The following ASTN2 variants were observed in gnomAD, a reference collection of about 807,000 sequenced individuals.
ASTN2 encodes the protein astrotactin-2.
Under a neutral mutation model 139.8 loss-of-function variants are expected in ASTN2, and 54 were observed. The observed-to-expected ratio is 0.39, with a 90% confidence interval of 0.31 to 0.48. The LOEUF is 0.48. ASTN2 is among the 20% of genes least tolerant of loss of function. The pLI is 0.95. For synonymous variants in ASTN2, 756 were observed against 719.5 expected (o/e 1.05, Z -0.81); for missense variants, 1,565 against 1,725.1 (o/e 0.91, Z 1.64).
At chr9:116,541,500 T>C (rs1851876576) in intron 19 of ASTN2, among the ~76,000 whole-genome samples, 1 of 152,190 alleles carries the variant, frequency 6.6e-6, no homozygotes, top group Non-Finnish European at 1.5e-5. Context: ...GCTTTAATCA[T>C]AGTTAATTGG....
intron 1 of ASTN2, among the ~76,000 whole-genome samples, chr9:117,330,005 C>T (rs1258234033): frequency 6.6e-6 from 1 of 152,108 alleles, no homozygotes; most frequent in Non-Finnish European, 1.5e-5. Flanking sequence ...AGTAGTTTAG[C>T]CAAGGTCACC....
At chr9:116,720,064 A>T (rs950580879) in intron 16 of ASTN2, among the ~76,000 whole-genome samples, 16 of 152,136 alleles carry the variant, frequency 1.1e-4, no homozygotes, top group Non-Finnish European at 1.0e-4. Flanking sequence ...AGCTCTCATC[A>T]GCCCCTTGGC....
intron 3 of ASTN2, among the ~76,000 whole-genome samples, chr9:117,182,512 C>A (rs1309975203): frequency 6.6e-6 from 1 of 152,138 alleles, no homozygotes; most frequent in Non-Finnish European, 1.5e-5. Context: ...CCAGTTCCAC[C>A]CTATAGCTCT....
chr9:116,975,344 A>G lies in ASTN2; in HGVS notation c.1753T>C (p.Ser585Pro), dbSNP rs983782190. The G allele has an allele frequency of 1.2e-6, 2 of 1,604,732 alleles. No homozygotes were observed. Among genetic ancestry groups the G allele is most frequent in the African/African-American group, 2.7e-5 (2 of 74,404 alleles). ...GEQAPEKILRSTFSLGQGLWL... is the reference protein window; with the variant it reads ...GEQAPEKILRPTFSLGQGLWL... The stretch of plus-strand genomic sequence containing the variant: ...AGGCCTTGGCCCAAGCTGAAAGTAG[A>G]CCTGCAATGTAAGAGTTTCCATTGG... Residue 585 changes from serine to proline, a missense_variant and splice_region_variant, in exon 10 of 23, where the codon TCT (serine) becomes CCT (proline). By Grantham distance (74) the Ser-to-Pro change is moderately conservative. This residue lies in a region of ASTN2 where 503 missense variants were observed against 591.7 expected (regional missense o/e 0.85). Coordinates refer to ENST00000313400, the MANE Select transcript of ASTN2 (RefSeq NM_001365068.1).
intron 11 of ASTN2, among the ~76,000 whole-genome samples, chr9:116,833,976 C>CAA (rs34675550): frequency 0.22 from 33,811 of 152,090 alleles, 4,375 homozygotes; most frequent in East Asian, 0.5. Flanking sequence ...GGAATTTCAC[C>CAA]AAAAAACGAA....
At chr9:116,770,683 T>A (rs1169867758) in intron 13 of ASTN2, among the ~76,000 whole-genome samples, 1 of 152,200 alleles carries the variant, frequency 6.6e-6, no homozygotes, top group Admixed American at 6.5e-5. Flanking sequence ...TTCTTTCCAG[T>A]ACTCTCCTGT....
chr9:116,535,788 A>AT (rs1482278471), intron 19 of ASTN2, among the ~76,000 whole-genome samples: 1 of 151,780 alleles, frequency 6.6e-6, no homozygotes, highest in Non-Finnish European at 1.5e-5. Flanking sequence ...TGCCCTTAAC[A>AT]TTTTTTCCTT....
At chr9:117,374,369 TA>T (rs57428022) in intron 1 of ASTN2, among the ~76,000 whole-genome samples, 30,779 of 85,230 alleles carry the variant, frequency 0.36, 4,381 homozygotes, top group Admixed American at 0.44. Flanking sequence ...AGGGCAGGGT[TA>T]AAAAAAAAAA....
intron 16 of ASTN2, among the ~76,000 whole-genome samples, chr9:116,684,186 A>G (rs1286110870): frequency 6.6e-6 from 1 of 152,256 alleles, no homozygotes; most frequent in Non-Finnish European, 1.5e-5. Flanking sequence ...GAGATTCCTC[A>G]TGGAACAGAG....
intron 1 of ASTN2, among the ~76,000 whole-genome samples, chr9:117,362,774 G>T (rs990056405): frequency 6.6e-6 from 1 of 152,052 alleles, no homozygotes; most frequent in African/African-American, 2.4e-5. Flanking sequence ...CCCTCCTTTG[G>T]TGTTGGCTGA....
chr9:117,127,835 C>T (rs751238809), intron 4 of ASTN2, among the ~76,000 whole-genome samples: 11 of 151,976 alleles, frequency 7.2e-5, no homozygotes, highest in Middle Eastern at 3.4e-3. Context: ...TGCCCGCCAC[C>T]ACGCCCACCT....
At chr9:116,978,495 G>GCGCGCGCACACACACA (rs762311934) in intron 7 of ASTN2, among the ~76,000 whole-genome samples, 7 of 127,644 alleles carry the variant, frequency 5.5e-5, no homozygotes, top group Non-Finnish European at 1.2e-4. Flanking sequence ...TCTCTCTCAC[G>GCGCGCGCACACACACA]CACACACACA....
At chr9:116,701,766 G>A (rs940914387) in intron 16 of ASTN2, among the ~76,000 whole-genome samples, 1 of 151,874 alleles carries the variant, frequency 6.6e-6, no homozygotes, top group African/African-American at 2.4e-5. Flanking sequence ...CCCCTTTGAT[G>A]TGAATATTTT....
intron 3 of ASTN2, among the ~76,000 whole-genome samples, chr9:117,164,006 A>G (rs1564456833): frequency 6.6e-6 from 1 of 152,114 alleles, no homozygotes; most frequent in South Asian, 2.1e-4. Flanking sequence ...AAATGGATTA[A>G]TCATCATTTT....
intron 10 of ASTN2, among the ~76,000 whole-genome samples, chr9:116,892,423 C>T (rs1588389584): frequency 6.6e-6 from 1 of 151,738 alleles, no homozygotes; most frequent in East Asian, 1.9e-4. Context: ...CCAGCATTTA[C>T]AGTACTGTGG....
At chr9:116,539,612 GA>G (rs905557840) in intron 19 of ASTN2, among the ~76,000 whole-genome samples, 3 of 152,150 alleles carry the variant, frequency 2.0e-5, no homozygotes, top group African/African-American at 7.2e-5. Context: ...GTGGACGTCT[GA>G]AACCACAGAT....
chr9:116,709,534 TCTATAGA>T (rs2132093089), intron 16 of ASTN2, among the ~76,000 whole-genome samples: 1 of 152,306 alleles, frequency 6.6e-6, no homozygotes, highest in African/African-American at 2.4e-5. Context: ...TCTGCACAGT[TCTATAGA>T]CTGTTGAACC....
At chr9:117,213,317 A>G (rs975895654) in intron 3 of ASTN2, among the ~76,000 whole-genome samples, 2 of 152,208 alleles carry the variant, frequency 1.3e-5, no homozygotes, top group African/African-American at 4.8e-5. Flanking sequence ...GGAGGGAGAC[A>G]GGAATAGGGA....
Position 117,119,990 on chromosome 9 carries a change from A to ATGTGTGTGTG in ASTN2, c.1168+21326_1168+21335dup, listed in dbSNP as rs752111718. 7.1e-3 allele frequency among the ~76,000 whole-genome samples: 518 copies of ATGTGTGTGTG among 73,044 alleles called. 3 individuals are homozygous for ATGTGTGTGTG. Among genetic ancestry groups the ATGTGTGTGTG allele is most frequent in the East Asian group, 0.013 (20 of 1,550 alleles). The allele number at this position is 73,044 out of a possible 152,430, so 47.9% of individuals were successfully genotyped here. ...TATATAGATATCTCTATATATTTGTATGTGTGTGTGTGTGTGTGTGTGTGT... is the reference window on the plus strand; with the variant it reads ...TATATAGATATCTCTATATATTTGTATGTGTGTGTGTGTGTGTGTGTGTGTGTGTGTGTGT... On this transcript the variant is annotated intron_variant, in intron 4 of 22. Coordinates refer to ENST00000313400, the MANE Select transcript of ASTN2 (RefSeq NM_001365068.1).
Sources: gnomAD v4.1 joint callset for allele counts (sites outside exome capture counted in the v4.1 genomes callset) on GRCh38, gnomAD v4.1.1 for gene constraint, gnomAD v4.1.1 regional missense constraint, MANE v1.5 for transcripts, NCBI Gene and HGNC (gene_info 2026-07-23, HGNC 2026-07-21) for gene names.